The following PDE4D variants were observed in gnomAD, a reference collection of about 807,000 sequenced individuals.
The protein encoded by PDE4D is 3',5'-cyclic-AMP phosphodiesterase 4D.
In PDE4D, 24 loss-of-function variants were observed where a neutral mutation model predicts 87.4. The observed-to-expected ratio is 0.27, with a 90% confidence interval of 0.20 to 0.39. The LOEUF is 0.39. PDE4D is among the 10% of genes least tolerant of loss of function. The pLI is 1.00. For missense variants in PDE4D, 714 were observed against 1,041.0 expected, an observed-to-expected ratio of 0.69 and a Z score of 4.32; for synonymous variants, 384 against 383.2, an observed-to-expected ratio of 1.00 and a Z score of -0.02.
chr5:59,781,602 A>G (rs957663995), intron 1 of PDE4D, among the ~76,000 whole-genome samples: 3 of 151,920 alleles, frequency 2.0e-5, no homozygotes, highest in African/African-American at 7.3e-5. Flanking sequence ...CCTGGCCAAG[A>G]TGATGAAACC....
At chr5:59,598,535 C>A (rs1827029997) in intron 1 of PDE4D, among the ~76,000 whole-genome samples, 1 of 152,114 alleles carries the variant, frequency 6.6e-6, no homozygotes, top group Non-Finnish European at 1.5e-5. Flanking sequence ...CTTCCATAAC[C>A]ACTCACTGAT....
At chr5:59,017,458 A>C (rs1754261115) in intron 6 of PDE4D, among the ~76,000 whole-genome samples, 1 of 152,206 alleles carries the variant, frequency 6.6e-6, no homozygotes, top group Non-Finnish European at 1.5e-5. Flanking sequence ...AGGAGAAAGA[A>C]GAATCCTATG....
chr5:59,955,792 C>T (rs1000655747), intron 3 of PDE4D, among the ~76,000 whole-genome samples: 30 of 152,104 alleles, frequency 2.0e-4, no homozygotes, highest in Admixed American at 1.9e-3. Context: ...TCCTGCCCTT[C>T]GGTCTTCTTT....
intron 2 of PDE4D, among the ~76,000 whole-genome samples, chr5:59,994,394 A>G (rs1437610936): frequency 6.6e-6 from 1 of 151,912 alleles, no homozygotes; most frequent in Non-Finnish European, 1.5e-5. Context: ...ATATATATTT[A>G]TACATATACA....
At chr5:60,033,676 G>T (rs1767480089) in intron 2 of PDE4D, among the ~76,000 whole-genome samples, 1 of 152,152 alleles carries the variant, frequency 6.6e-6, no homozygotes, top group African/African-American at 2.4e-5. Flanking sequence ...TAAGGATTTA[G>T]AGATTCTACC....
At chr5:60,376,952 T>C (rs534517587) in intron 1 of PDE4D, among the ~76,000 whole-genome samples, 28 of 152,362 alleles carry the variant, frequency 1.8e-4, no homozygotes, top group Admixed American at 9.2e-4. Flanking sequence ...TTTTCCTTTA[T>C]AGCAACATCG....
At position 59,821,237 on chromosome 5, in the gene PDE4D, G is replaced by GCAACAACAA. The variant is rs71606606; in HGVS notation, c.455+71922_455+71930dup. On this transcript the variant is annotated intron_variant, in intron 1 of 14. Transcript: ENST00000340635. ...GACAGAGCAAGATTCTGTCTCAACA[G>GCAACAACAA]CAACAACAACAACAACAACAACAAC... 2.9e-3 allele frequency among the ~76,000 whole-genome samples: 428 copies of GCAACAACAA among 148,992 alleles called. 2 individuals carry two copies. The highest frequency in any genetic ancestry group is 8.4e-3 in the African/African-American group (337 of 39,988).
At chr5:59,404,900 C>A (rs117363883) in intron 1 of PDE4D, among the ~76,000 whole-genome samples, 10,303 of 152,054 alleles carry the variant, frequency 0.068, 948 homozygotes, top group African/African-American at 0.21. Flanking sequence ...GTTCTTGGCA[C>A]CTTTGTCAAA....
chr5:58,986,138 T>A (rs550034673), intron 11 of PDE4D, among the ~76,000 whole-genome samples: 1 of 152,368 alleles, frequency 6.6e-6, no homozygotes, highest in Non-Finnish European at 1.5e-5. Context: ...GCAATATTAC[T>A]AAATAACAAA....
chr5:59,478,566 T>A (rs1337440062), intron 1 of PDE4D, among the ~76,000 whole-genome samples: 1 of 152,118 alleles, frequency 6.6e-6, no homozygotes, highest in Non-Finnish European at 1.5e-5. Flanking sequence ...TATTTGTCAA[T>A]AATTTAAATA....
intron 5 of PDE4D, among the ~76,000 whole-genome samples, chr5:59,042,641 C>T (rs1351986822): frequency 2.6e-5 from 4 of 152,156 alleles, no homozygotes; most frequent in Admixed American, 6.5e-5. Flanking sequence ...TCCCTAAAGG[C>T]TGGGAGAGGG....
chr5:59,721,677 T>C (rs1317506988), intron 1 of PDE4D, among the ~76,000 whole-genome samples: 1 of 152,082 alleles, frequency 6.6e-6, no homozygotes, highest in Admixed American at 6.6e-5. Context: ...AATGAATAGA[T>C]AAAAGAAAGC....
chr5:59,134,474 GT>G (rs1776748226), intron 5 of PDE4D, among the ~76,000 whole-genome samples: 1 of 152,054 alleles, frequency 6.6e-6, no homozygotes, highest in Non-Finnish European at 1.5e-5. Context: ...GAGAGAGACA[GT>G]TTTCTCTTTG....
At chr5:59,830,497 G>A (rs1162900111) in intron 1 of PDE4D, among the ~76,000 whole-genome samples, 1 of 152,090 alleles carries the variant, frequency 6.6e-6, no homozygotes, top group Non-Finnish European at 1.5e-5. Flanking sequence ...AGCAACGTCT[G>A]CCATTGTAGT....
At chr5:59,978,914 A>ATT (rs111974987) in intron 3 of PDE4D, among the ~76,000 whole-genome samples, 9 of 147,444 alleles carry the variant, frequency 6.1e-5, no homozygotes, top group African/African-American at 2.2e-4. Context: ...GGTTGTTAGC[A>ATT]TTTTTTTTTT....
At chr5:60,112,606 G>C (rs1223872524) in intron 2 of PDE4D, among the ~76,000 whole-genome samples, 1 of 151,810 alleles carries the variant, frequency 6.6e-6, no homozygotes, top group Non-Finnish European at 1.5e-5. Flanking sequence ...TATACTTCAG[G>C]GCAAACTTAA....
At chr5:59,636,265 A>G (rs760795181) in intron 1 of PDE4D, among the ~76,000 whole-genome samples, 3 of 152,344 alleles carry the variant, frequency 2.0e-5, no homozygotes, top group Non-Finnish European at 4.4e-5. Context: ...TTCCATGCTC[A>G]TGGATAGGAA....
In PDE4D at chr5:59,171,463, C is replaced by T. The variant is rs948036550; in HGVS notation, c.808+9132G>A. ...GTATTTGTTCCTACGATTGGAAATG[C>T]TCAATGATTTTCCACTGTCCATAAA... On this transcript the variant is annotated intron_variant, in intron 5 of 14. Transcript: ENST00000340635. 2.6e-4 allele frequency among the ~76,000 whole-genome samples: 40 copies of T among 152,184 alleles called. 1 individual carries two copies. Among genetic ancestry groups the T allele is most frequent in the Non-Finnish European group, 7.3e-5 (5 of 68,032 alleles).
chr5:60,326,975 A>T (rs968263455), intron 1 of PDE4D, among the ~76,000 whole-genome samples: 2 of 151,868 alleles, frequency 1.3e-5, no homozygotes, highest in African/African-American at 4.8e-5. Context: ...AAGCTTCCTA[A>T]CTCCCTAAGA....
Sources: gnomAD v4.1 joint callset for allele counts (sites outside exome capture counted in the v4.1 genomes callset) on GRCh38, gnomAD v4.1.1 for gene constraint, MANE v1.5 for transcripts, NCBI Gene and HGNC (gene_info 2026-07-23, HGNC 2026-07-21) for gene names.